The following KLRG1 variants were observed in gnomAD, a reference collection of about 807,000 sequenced individuals.
KLRG1 encodes killer cell lectin like receptor G1.
In KLRG1, 16 loss-of-function variants were observed where a neutral mutation model predicts 21.8. That is an observed-to-expected ratio of 0.73 (90% CI 0.50 to 1.11). The LOEUF (loss-of-function observed/expected upper bound fraction) is 1.11, where lower values mean the gene tolerates loss of function less well. Ranked by LOEUF, KLRG1 falls within the 50% of genes most tolerant of loss-of-function variation. The pLI is 0.00. For synonymous variants in KLRG1, 69 were observed against 75.9 expected (o/e 0.91, Z 0.47); for missense variants, 173 against 218.3 (o/e 0.79, Z 1.31).
chr12:9,204,969 T>C, the KLRG1 span, among the ~76,000 whole-genome samples: 5 of 152,042 alleles, frequency 3.3e-5, no homozygotes, highest in African/African-American at 1.2e-4. Flanking sequence ...AGGTGGCACA[T>C]GGCTGTAGTA....
the KLRG1 span, among the ~76,000 whole-genome samples, chr12:9,107,860 TC>T: frequency 1.3e-5 from 2 of 152,188 alleles, no homozygotes; most frequent in African/African-American, 4.8e-5. Context: ...TTTTATCATT[TC>T]TTTTTTTTCC....
At chr12:8,966,869 T>G (rs1946481724) in intron 1 of KLRG1, among the ~76,000 whole-genome samples, 1 of 149,972 alleles carries the variant, frequency 6.7e-6, no homozygotes, top group African/African-American at 2.4e-5. Flanking sequence ...CATGCTGCTA[T>G]AAAGACACAT....
chr12:9,031,536 A>G, the KLRG1 span, among the ~76,000 whole-genome samples: 1 of 152,198 alleles, frequency 6.6e-6, no homozygotes, highest in Non-Finnish European at 1.5e-5. Context: ...CTGAGGCCTC[A>G]TGTATTTGGG....
At chr12:8,995,599 G>A (rs1440393853) in intron 3 of KLRG1, among the ~76,000 whole-genome samples, 2 of 152,072 alleles carry the variant, frequency 1.3e-5, no homozygotes, top group Non-Finnish European at 2.9e-5. Flanking sequence ...TGAGTGTTTT[G>A]GAGAGGAATG....
At chr12:9,041,829 A>C in the KLRG1 span, among the ~76,000 whole-genome samples, 1 of 152,202 alleles carries the variant, frequency 6.6e-6, no homozygotes. Context: ...CCATAGAACC[A>C]TGAGAAATAA....
the KLRG1 span, chr12:9,111,514 G>A: frequency 8.8e-6 from 4 of 456,378 alleles, no homozygotes; most frequent in Non-Finnish European, 8.8e-6. Flanking sequence ...ATAAGAAATA[G>A]TCTGAATATA....
At chr12:9,162,588 G>A in the KLRG1 span, 1 of 1,564,138 alleles carries the variant, frequency 6.4e-7, no homozygotes, top group Non-Finnish European at 8.8e-7. Flanking sequence ...TATGAAGATG[G>A]ACTCTTACCT....
At chr12:9,198,841 A>C in the KLRG1 span, among the ~76,000 whole-genome samples, 2 of 152,234 alleles carry the variant, frequency 1.3e-5, no homozygotes, top group Admixed American at 6.5e-5. Context: ...ATTTGGACAC[A>C]TAACTCCTTG....
chr12:9,146,429 A>G, the KLRG1 span, among the ~76,000 whole-genome samples: 1 of 151,970 alleles, frequency 6.6e-6, no homozygotes, highest in East Asian at 1.9e-4. Flanking sequence ...TGTTCTTTTG[A>G]CTTCAGTGAG....
chr12:9,093,559 C>T, the KLRG1 span: 2 of 1,604,262 alleles, frequency 1.2e-6, no homozygotes, highest in Non-Finnish European at 1.7e-6. Flanking sequence ...CGTGCATGGC[C>T]TCTTCCCATT....
chr12:9,095,008 A>G, the KLRG1 span: 1 of 1,591,682 alleles, frequency 6.3e-7, no homozygotes, highest in South Asian at 1.2e-5. Flanking sequence ...AGGTCCATGC[A>G]TTTCATACTG....
At chr12:9,151,352 C>CT in the KLRG1 span, among the ~76,000 whole-genome samples, 2 of 152,158 alleles carry the variant, frequency 1.3e-5, no homozygotes, top group African/African-American at 4.8e-5. Flanking sequence ...CATGGTACAC[C>CT]TTTTTTCTAT....
chr12:9,184,575 G>A, the KLRG1 span, among the ~76,000 whole-genome samples: 2 of 152,214 alleles, frequency 1.3e-5, no homozygotes, highest in Admixed American at 1.3e-4. Flanking sequence ...ACCCCACCAC[G>A]CTGCCACTGC....
Position 9,009,872 on chromosome 12 carries a change from G to T in KLRG1, c.*335G>T, listed in dbSNP as rs1409379737. ...TGTCAAAAATATACCTTTTTCATAT[G>T]ATATTCTGAGCTAATCTGATAAAAT... is the stretch of plus-strand genomic sequence containing the variant. On this transcript the variant is annotated 3_prime_UTR_variant, in exon 5 of 5. Coordinates refer to ENST00000356986, the MANE Select transcript of KLRG1 (RefSeq NM_005810.4). 4.1e-6 allele frequency: 6 copies of T among 1,480,960 alleles called. No homozygotes were observed. The highest frequency in any genetic ancestry group is 2.3e-4 in the Middle Eastern group (1 of 4,272). 91.7% of individuals were successfully genotyped at this position (1,480,960 alleles called of 1,614,324 possible). A position where few individuals can be genotyped will look rare whatever the true frequency, so the allele number is the denominator to read the frequency against.
intron 1 of KLRG1, among the ~76,000 whole-genome samples, chr12:8,980,909 A>T (rs1035957666): frequency 6.6e-6 from 1 of 152,148 alleles, no homozygotes; most frequent in Non-Finnish European, 1.5e-5. Flanking sequence ...CCTTGTGAGG[A>T]AGTCACAGCT....
chr12:9,025,581 G>A, the KLRG1 span, among the ~76,000 whole-genome samples: 1 of 152,176 alleles, frequency 6.6e-6, no homozygotes, highest in Non-Finnish European at 1.5e-5. Context: ...AGTTTGCAGT[G>A]AGCCGAGATC....
the KLRG1 span, among the ~76,000 whole-genome samples, chr12:9,016,442 C>A: frequency 6.6e-6 from 1 of 152,056 alleles, no homozygotes; most frequent in African/African-American, 2.4e-5. Flanking sequence ...TAAAACCTAC[C>A]AAGATTGAAC....
the KLRG1 span, chr12:9,169,051 C>G: frequency 9.6e-7 from 1 of 1,040,224 alleles, no homozygotes; most frequent in East Asian, 2.5e-5. Flanking sequence ...AGAGACTTCT[C>G]TATGTAATTC....
At chr12:9,047,399 A>G in the KLRG1 span, among the ~76,000 whole-genome samples, 1 of 152,248 alleles carries the variant, frequency 6.6e-6, no homozygotes, top group African/African-American at 2.4e-5. Flanking sequence ...ACTCTAGGCA[A>G]GCACTGAAAA....
Sources: gnomAD v4.1 joint callset for allele counts (sites outside exome capture counted in the v4.1 genomes callset) on GRCh38, gnomAD v4.1.1 for gene constraint, MANE v1.5 for transcripts, NCBI Gene and HGNC (gene_info 2026-07-23, HGNC 2026-07-21) for gene names.